The following MROH9 variants were observed in gnomAD, a reference collection of about 807,000 sequenced individuals.
The protein encoded by MROH9 is maestro heat-like repeat-containing protein family member 9.
Under a neutral mutation model 98.2 loss-of-function variants are expected in MROH9, and 92 were observed. That is an observed-to-expected ratio of 0.94 (90% CI 0.79 to 1.11). The LOEUF (loss-of-function observed/expected upper bound fraction) is 1.11. Ranked by LOEUF, MROH9 falls within the 50% of genes most tolerant of loss-of-function variation. MROH9 has a pLI of 0.00. For synonymous variants in MROH9, 397 were observed against 368.9 expected (o/e 1.08, Z -0.87); for missense variants, 1,057 against 1,014.8 (o/e 1.04, Z -0.57).
intron 14 of MROH9, among the ~76,000 whole-genome samples, chr1:170,997,270 G>A (rs1009480114): frequency 2.0e-5 from 3 of 152,090 alleles, no homozygotes; most frequent in Non-Finnish European, 4.4e-5. Flanking sequence ...TTTTATAACA[G>A]CATCTCATTT....
chr1:170,988,454 G>A (rs1651232460), intron 10 of MROH9, among the ~76,000 whole-genome samples: 1 of 152,164 alleles, frequency 6.6e-6, no homozygotes, highest in African/African-American at 2.4e-5. Flanking sequence ...GTGGGAAAGA[G>A]CACTCAAAGG....
In MROH9 at chr1:171,033,958, A is replaced by T. The variant is rs141263569; in HGVS notation, c.2281+8538A>T. ...AGAAATATTTTATACAGAATGCAAC[A>T]TTAAGGCATTTTGTAATAAAGTTAT... On this transcript the variant is annotated intron_variant, in intron 20 of 21. Coordinates refer to ENST00000367759, the MANE Select transcript of MROH9 (RefSeq NM_001163629.2). Among the ~76,000 whole-genome samples the T allele has an allele frequency of 7.1e-3, 1,083 of 152,290 alleles. 6 individuals are homozygous for T. The highest frequency in any genetic ancestry group is 0.013 in the Non-Finnish European group (876 of 68,030).
At chr1:170,955,125 C>T (rs908228522) in intron 3 of MROH9, among the ~76,000 whole-genome samples, 1 of 152,140 alleles carries the variant, frequency 6.6e-6, no homozygotes, top group Non-Finnish European at 1.5e-5. Context: ...AACCAGGTCA[C>T]TGCAAATGCT....
Position 170,965,177 on chromosome 1 carries a change from T to C in MROH9, c.402T>C (p.Asp134=), listed in dbSNP as rs564909700. The C allele has an allele frequency of 1.9e-6, 3 of 1,611,046 alleles. No individual in the cohort carries two copies. Among genetic ancestry groups the C allele is most frequent in the Non-Finnish European group, 2.5e-6 (3 of 1,177,866 alleles). The change falls in exon 7 of 22, where the codon GAT becomes GAC. Residue 134 remains aspartate, a synonymous_variant. Transcript: ENST00000367759. ...AAATGCTCGTGTGGATGAGTAAAGA[T>C]AGCTCATATCTGCAAGAGAGAATAA... ...LKEMLVWMSK[D]SSYLQERIMV...
Position 171,064,122 on chromosome 1 carries a change from G to A in MROH9, c.2368G>A (p.Glu790Lys). ...LDVIERLLRD[E>K]DPMIKQLAEI... is the part of the protein sequence containing the mutation. ...AGTTATTGAACGACTGCTCCGAGAT[G>A]AAGACCCTATGATCAAACAGTTGGC... Residue 790 changes from glutamate to lysine, a missense_variant, in exon 22 of 22, where the codon GAA (glutamate) becomes AAA (lysine). Coordinates refer to ENST00000367759, the MANE Select transcript of MROH9 (RefSeq NM_001163629.2). The A allele has an allele frequency of 6.5e-7, 1 of 1,543,698 alleles. No homozygotes were observed. The highest frequency in any genetic ancestry group is 8.7e-7 in the Non-Finnish European group (1 of 1,145,146).
intron 15 of MROH9, among the ~76,000 whole-genome samples, chr1:171,005,089 A>T (rs150902161): frequency 2.6e-5 from 4 of 152,042 alleles, no homozygotes; most frequent in Admixed American, 1.3e-4. Flanking sequence ...TTTTTGAGAC[A>T]GGTCTTGCTG....
At chr1:171,043,099 G>A (rs897733159) in intron 20 of MROH9, among the ~76,000 whole-genome samples, 8 of 151,974 alleles carry the variant, frequency 5.3e-5, no homozygotes, top group Non-Finnish European at 8.8e-5. Context: ...ATGTTTTCTT[G>A]TAATAGGTGT....
At chr1:171,031,775 G>A (rs1193724390) in intron 20 of MROH9, among the ~76,000 whole-genome samples, 3 of 152,128 alleles carry the variant, frequency 2.0e-5, no homozygotes, top group Non-Finnish European at 2.9e-5. Flanking sequence ...TCTTCTCATG[G>A]AGTATCTTAG....
At chr1:170,980,540 A>G (rs1301708741) in intron 8 of MROH9, among the ~76,000 whole-genome samples, 1 of 152,216 alleles carries the variant, frequency 6.6e-6, no homozygotes, top group Non-Finnish European at 1.5e-5. Context: ...TGTTTAATAA[A>G]TGGTGCTGGA....
chr1:171,007,820 T>G (rs60606611), intron 15 of MROH9, among the ~76,000 whole-genome samples: 2,099 of 152,230 alleles, frequency 0.014, 56 homozygotes, highest in African/African-American at 0.049. Flanking sequence ...ATGATTTTGG[T>G]GGCAGAACCA....
chr1:170,974,824 A>G (rs1650620017), intron 8 of MROH9, among the ~76,000 whole-genome samples: 1 of 152,018 alleles, frequency 6.6e-6, no homozygotes, highest in Non-Finnish European at 1.5e-5. Flanking sequence ...GATAATAACA[A>G]AAGTAAAATA....
At chr1:170,962,899 A>G (rs1270335228) in intron 6 of MROH9, among the ~76,000 whole-genome samples, 1 of 152,122 alleles carries the variant, frequency 6.6e-6, no homozygotes, top group Admixed American at 6.5e-5. Flanking sequence ...ATGCAATACC[A>G]TTCTGGACAT....
intron 7 of MROH9, among the ~76,000 whole-genome samples, chr1:170,966,021 T>G (rs903900639): frequency 6.6e-6 from 1 of 152,086 alleles, no homozygotes; most frequent in African/African-American, 2.4e-5. Context: ...ATCATTTAAT[T>G]TTTTTCTGCT....
At position 171,050,302 on chromosome 1, in the gene MROH9, G is replaced by A. The variant is rs111667333; in HGVS notation, c.2282-11830G>A. 8.7e-3 allele frequency among the ~76,000 whole-genome samples: 1,317 copies of A among 152,160 alleles called. 17 individuals are homozygous for A. The highest frequency in any genetic ancestry group is 0.029 in the African/African-American group (1,219 of 41,516). On this transcript the variant is annotated intron_variant, in intron 20 of 21. Transcript: ENST00000367759. Reference sequence around the variant, plus strand: ...TTTAACATCTCTTGAGTTAATTTTTGTATATGGTAAGAAACAGGGATTTTT... The same window carrying A: ...TTTAACATCTCTTGAGTTAATTTTTATATATGGTAAGAAACAGGGATTTTT...
At chr1:171,039,794 G>T (rs1653237103) in intron 20 of MROH9, among the ~76,000 whole-genome samples, 1 of 151,990 alleles carries the variant, frequency 6.6e-6, no homozygotes, top group Non-Finnish European at 1.5e-5. Context: ...AGAAAGAAAA[G>T]CACACTAATA....
chr1:170,997,077 C>A (rs575974480), intron 14 of MROH9, among the ~76,000 whole-genome samples: 2 of 152,162 alleles, frequency 1.3e-5, no homozygotes, highest in East Asian at 1.9e-4. Flanking sequence ...TTTTATTTTT[C>A]TTGTACTGGA....
chr1:171,046,691 T>C (rs569401674), intron 20 of MROH9, among the ~76,000 whole-genome samples: 1 of 152,330 alleles, frequency 6.6e-6, no homozygotes, highest in African/African-American at 2.4e-5. Flanking sequence ...ATAAGAATAG[T>C]TTATATACCA....
At chr1:171,046,297 A>T (rs887084746) in intron 20 of MROH9, among the ~76,000 whole-genome samples, 2 of 152,152 alleles carry the variant, frequency 1.3e-5, no homozygotes, top group Admixed American at 6.5e-5. Flanking sequence ...TTTACATTCA[A>T]TGTTATTATT....
At chr1:170,959,707 T>C in intron 5 of MROH9, 110 bp downstream of exon 5, 1 of 987,982 alleles carries the variant, frequency 1.0e-6, no homozygotes, top group Non-Finnish European at 1.4e-6. Flanking sequence ...CTTCACTCTT[T>C]TTAGTTATAA....
Sources: gnomAD v4.1 joint callset for allele counts (sites outside exome capture counted in the v4.1 genomes callset) on GRCh38, gnomAD v4.1.1 for gene constraint, MANE v1.5 for transcripts, NCBI Gene and HGNC (gene_info 2026-07-23, HGNC 2026-07-21) for gene names.